Variants in FAM135B observed in about 807,000 individuals in gnomAD.
FAM135B encodes the protein family with sequence similarity 135 member B, also known as protein FAM135B.
A neutral mutation model predicts 127.7 loss-of-function variants in FAM135B; 43 were observed. That is an observed-to-expected ratio of 0.34 (90% CI 0.26 to 0.43). The LOEUF is 0.43. FAM135B is among the 20% of genes least tolerant of loss of function. The pLI, the probability that FAM135B is intolerant of heterozygous loss-of-function variation, is 1.00. For missense variants in FAM135B, 1,558 were observed against 1,725.6 expected (o/e 0.90, Z 1.72); for synonymous variants, 670 against 665.1 (o/e 1.01, Z -0.11).
intron 3 of FAM135B, among the ~76,000 whole-genome samples, chr8:138,270,787 C>T (rs768099595): frequency 1.3e-5 from 2 of 152,244 alleles, no homozygotes; most frequent in Non-Finnish European, 2.9e-5. Context: ...CACCTCAAAA[C>T]TGTTACAATG....
In FAM135B at chr8:138,132,488, G is replaced by A; in HGVS notation, c.*105C>T. 1.1e-6 allele frequency: 1 copy of A among 938,052 alleles called. No individual in the cohort carries two copies. The allele number at this position is 938,052 out of a possible 1,614,324, so 58.1% of individuals were successfully genotyped here. A position where few individuals can be genotyped will look rare whatever the true frequency, so the allele number is the denominator to read the frequency against. On this transcript the variant is annotated 3_prime_UTR_variant, in exon 20 of 20. Transcript: ENST00000395297. The surrounding 1 kb of genome is among the most constrained non-coding windows in gnomAD (Gnocchi z 4.5). ...TCCACCCGAGCCTCCGTCCCCCAAT[G>A]CTGTTGAAGCTTCATTCTGAAATGG... is the stretch of plus-strand genomic sequence containing the variant.
Position 138,132,424 on chromosome 8 carries a change from T to C in FAM135B, c.*169A>G. 1.6e-6 allele frequency: 1 copy of C among 616,122 alleles called. No homozygotes were observed. The highest frequency in any genetic ancestry group is 2.9e-6 in the Non-Finnish European group (1 of 347,786). The allele number at this position is 616,122 out of a possible 1,614,324, so 38.2% of individuals were successfully genotyped here. A position where few individuals can be genotyped will look rare whatever the true frequency, so the allele number is the denominator to read the frequency against. On this transcript the variant is annotated 3_prime_UTR_variant, in exon 20 of 20. Coordinates refer to ENST00000395297, the MANE Select transcript of FAM135B (RefSeq NM_015912.4). The surrounding 1 kb of genome is among the most constrained non-coding windows in gnomAD (Gnocchi z 4.5). ...GTCATTTAGTCTATTTGCTCAGCTTTCTCGAATCTCCAAAACAAAAGCACC... is the reference window on the plus strand; with the variant it reads ...GTCATTTAGTCTATTTGCTCAGCTTCCTCGAATCTCCAAAACAAAAGCACC...
intron 2 of FAM135B, among the ~76,000 whole-genome samples, chr8:138,336,145 G>A (rs901774721): frequency 6.6e-6 from 1 of 151,940 alleles, no homozygotes; most frequent in Non-Finnish European, 1.5e-5. Context: ...ATGCCCACAA[G>A]AGAAAGCAGG....
intron 7 of FAM135B, among the ~76,000 whole-genome samples, chr8:138,223,233 C>A (rs1819168705): frequency 6.6e-6 from 1 of 152,142 alleles, no homozygotes; most frequent in African/African-American, 2.4e-5. Flanking sequence ...GACTATTCCA[C>A]CAGGGCCCAT....
intron 1 of FAM135B, among the ~76,000 whole-genome samples, chr8:138,387,620 T>C (rs150871657): frequency 7.9e-5 from 12 of 152,280 alleles, no homozygotes; most frequent in African/African-American, 1.9e-4. Context: ...GCTCCTGTTA[T>C]GTGCCACACC....
intron 5 of FAM135B, among the ~76,000 whole-genome samples, chr8:138,254,842 C>G (rs73439003): frequency 1.3e-5 from 2 of 152,030 alleles, no homozygotes; most frequent in African/African-American, 2.4e-5. Flanking sequence ...AAGACATCAG[C>G]GGATGCCCCT....
chr8:138,152,669 T>C lies in FAM135B; in HGVS notation c.1806A>G (p.Gln602=), dbSNP rs1586615795. 6.2e-7 allele frequency: 1 copy of C among 1,614,178 alleles called. No homozygotes were observed. The highest frequency in any genetic ancestry group is 2.2e-5 in the East Asian group (1 of 44,872). Residue 602 remains glutamine (Q), a synonymous_variant, in exon 13 of 20, where the codon CAA becomes CAG. Coordinates refer to ENST00000395297, the MANE Select transcript of FAM135B (RefSeq NM_015912.4). ...TTGTTTTGTCTGAAGAGATGGCATTTTGGTGGCTTCCACCTACTACCACTT... is the reference window on the plus strand; with the variant it reads ...TTGTTTTGTCTGAAGAGATGGCATTCTGGTGGCTTCCACCTACTACCACTT... The part of the protein sequence containing the change: ...LSKVVVGGSH[Q]NAISSDKTTL...
chr8:138,401,980 T>G (rs1451501374), intron 1 of FAM135B, among the ~76,000 whole-genome samples: 1 of 152,132 alleles, frequency 6.6e-6, no homozygotes. Flanking sequence ...GAGTTACCAC[T>G]GTCTACTGTA....
At chr8:138,270,158 T>C (rs1823263762) in intron 3 of FAM135B, among the ~76,000 whole-genome samples, 1 of 152,116 alleles carries the variant, frequency 6.6e-6, no homozygotes, top group Non-Finnish European at 1.5e-5. Context: ...GTTGCTACTT[T>C]CCTGGAGAGC....
intron 1 of FAM135B, among the ~76,000 whole-genome samples, chr8:138,429,181 T>C (rs985486971): frequency 2.0e-5 from 3 of 152,140 alleles, no homozygotes; most frequent in African/African-American, 4.8e-5. Context: ...TTAGGTAAAA[T>C]TAAGAAACCT....
chr8:138,192,353 G>A (rs949368301), intron 9 of FAM135B, among the ~76,000 whole-genome samples: 2 of 152,110 alleles, frequency 1.3e-5, no homozygotes, highest in South Asian at 2.1e-4. Context: ...AGATAGCAGC[G>A]CTTTCCCAAC....
At chr8:138,486,687 T>G (rs1407119706) in intron 1 of FAM135B, among the ~76,000 whole-genome samples, 1 of 152,196 alleles carries the variant, frequency 6.6e-6, no homozygotes, top group East Asian at 1.9e-4. Flanking sequence ...AGACTAGATA[T>G]CCATGGCTGT....
At chr8:138,240,972 T>C (rs917318223) in intron 7 of FAM135B, among the ~76,000 whole-genome samples, 2 of 152,142 alleles carry the variant, frequency 1.3e-5, no homozygotes, top group Non-Finnish European at 1.5e-5. Context: ...AGGCAGTAGA[T>C]TCTGACGTTC....
At chr8:138,343,590 G>C (rs867155684) in intron 2 of FAM135B, among the ~76,000 whole-genome samples, 2 of 152,188 alleles carry the variant, frequency 1.3e-5, no homozygotes, top group African/African-American at 2.4e-5. Context: ...ATCATACCCT[G>C]CTTTCACCGC....
At chr8:138,207,930 C>T (rs1050731532) in intron 7 of FAM135B, among the ~76,000 whole-genome samples, 5 of 152,288 alleles carry the variant, frequency 3.3e-5, no homozygotes, top group Middle Eastern at 3.4e-3. Context: ...CCAGGGCTCA[C>T]GACTCATGTA....
chr8:138,174,127 T>C (rs1329535775), intron 11 of FAM135B, among the ~76,000 whole-genome samples: 1 of 152,124 alleles, frequency 6.6e-6, no homozygotes, highest in Non-Finnish European at 1.5e-5. Context: ...TCCTACTCCC[T>C]CCTATCCTAT....
intron 1 of FAM135B, among the ~76,000 whole-genome samples, chr8:138,447,605 G>A (rs1217973011): frequency 1.3e-5 from 2 of 149,902 alleles, no homozygotes; most frequent in African/African-American, 2.5e-5. Flanking sequence ...ATTGAATAAT[G>A]AGAACACTTG....
At chr8:138,208,421 T>G (rs1188183803) in intron 7 of FAM135B, among the ~76,000 whole-genome samples, 2 of 152,232 alleles carry the variant, frequency 1.3e-5, no homozygotes, top group Admixed American at 1.3e-4. Flanking sequence ...TTGCTCATAG[T>G]TTTCATTTCT....
intron 13 of FAM135B, among the ~76,000 whole-genome samples, chr8:138,150,920 T>G (rs1818085608): frequency 6.6e-6 from 1 of 152,018 alleles, no homozygotes; most frequent in East Asian, 1.9e-4. Flanking sequence ...TCAATATAGA[T>G]TCACATAGAA....
Sources: allele counts gnomAD v4.1 joint callset (sites outside exome capture counted in the v4.1 genomes callset), GRCh38; gene constraint gnomAD v4.1.1; non-coding constraint Gnocchi (gnomAD v3.1); transcripts MANE v1.5; gene names NCBI Gene and HGNC (gene_info 2026-07-23, HGNC 2026-07-21).